FOXO3: variants seen among roughly 807,000 people sequenced by gnomAD.
FOXO3 encodes forkhead box protein O3.
A neutral mutation model predicts 41.9 loss-of-function variants in FOXO3; 4 were observed. The ratio of observed to expected loss-of-function variants is 0.10; its 90% CI spans 0.05 to 0.22. FOXO3 has a LOEUF of 0.22. FOXO3 is among the 10% of genes least tolerant of loss of function. FOXO3 has a pLI of 1.00. For synonymous variants in FOXO3, 318 were observed against 389.3 expected, an observed-to-expected ratio of 0.82 and a Z score of 2.16; for missense variants, 534 against 906.8, an observed-to-expected ratio of 0.59 and a Z score of 5.28.
At chr6:108,670,326 A>G (rs1424678447) in intron 2 of FOXO3, among the ~76,000 whole-genome samples, 3 of 152,010 alleles carry the variant, frequency 2.0e-5, no homozygotes, top group Non-Finnish European at 2.9e-5. Flanking sequence ...GCTTTCCCCA[A>G]TCCTCCAAAT....
chr6:108,569,774 A>G (rs1472253216), intron 1 of FOXO3, among the ~76,000 whole-genome samples: 2 of 152,138 alleles, frequency 1.3e-5, no homozygotes, highest in African/African-American at 4.8e-5. Flanking sequence ...CATGTGGCAC[A>G]TGTGTAGGGG....
At chr6:108,634,492 C>T (rs558966574) in intron 1 of FOXO3, among the ~76,000 whole-genome samples, 4 of 152,232 alleles carry the variant, frequency 2.6e-5, no homozygotes, top group African/African-American at 9.6e-5. Flanking sequence ...TTCCTCTTTG[C>T]CTGTTTGATC....
chr6:108,605,339 G>A (rs1028859454), intron 1 of FOXO3, among the ~76,000 whole-genome samples: 1 of 152,082 alleles, frequency 6.6e-6, no homozygotes, highest in Admixed American at 6.5e-5. Flanking sequence ...GGCTGGTCTC[G>A]AACTCCTGAC....
chr6:108,594,821 G>A (rs1403076840), intron 1 of FOXO3, among the ~76,000 whole-genome samples: 1 of 152,162 alleles, frequency 6.6e-6, no homozygotes, highest in East Asian at 1.9e-4. Flanking sequence ...CACAGCTCCA[G>A]CTCTTTCCAA....
intron 1 of FOXO3, among the ~76,000 whole-genome samples, chr6:108,567,803 T>C (rs1217075814): frequency 2.6e-5 from 4 of 152,086 alleles, no homozygotes; most frequent in African/African-American, 9.7e-5. Flanking sequence ...TCCCAGCACT[T>C]TGGGAGGCCC....
chr6:108,606,711 C>T (rs1298485193), intron 1 of FOXO3, among the ~76,000 whole-genome samples: 2 of 152,218 alleles, frequency 1.3e-5, no homozygotes, highest in Admixed American at 1.3e-4. Context: ...AGTTTAGTGA[C>T]AGGACTACCT....
At chr6:108,670,590 A>G (rs1755608692) in intron 2 of FOXO3, among the ~76,000 whole-genome samples, 1 of 152,120 alleles carries the variant, frequency 6.6e-6, no homozygotes, top group African/African-American at 2.4e-5. Flanking sequence ...AAAGGTTAAT[A>G]CACATTATGA....
At chr6:108,561,862 C>T (rs1775802658) in intron 1 of FOXO3, 33 bp downstream of exon 1, 2 of 1,505,956 alleles carry the variant, frequency 1.3e-6, no homozygotes, top group Admixed American at 2.2e-5. Context: ...CAGCAGGACC[C>T]GCCGGGCCTC....
At chr6:108,671,817 G>A (rs1779223767) in intron 2 of FOXO3, among the ~76,000 whole-genome samples, 1 of 152,136 alleles carries the variant, frequency 6.6e-6, no homozygotes, top group African/African-American at 2.4e-5. Flanking sequence ...CAGAGTCAAT[G>A]TCCCTTAGAA....
chr6:108,569,278 G>C (rs907177941), intron 1 of FOXO3, among the ~76,000 whole-genome samples: 3 of 152,198 alleles, frequency 2.0e-5, no homozygotes, highest in African/African-American at 7.2e-5. Flanking sequence ...TAGTGATGAT[G>C]ATAGAACACC....
chr6:108,644,739 T>C (rs1220329431), intron 1 of FOXO3, among the ~76,000 whole-genome samples: 2 of 152,196 alleles, frequency 1.3e-5, no homozygotes, highest in African/African-American at 4.8e-5. Context: ...CATTACTTAG[T>C]TGCTCCTCCT....
intron 2 of FOXO3, among the ~76,000 whole-genome samples, chr6:108,678,798 C>T (rs990079234): frequency 1.3e-4 from 19 of 149,978 alleles, no homozygotes; most frequent in Admixed American, 9.3e-4. Context: ...GAGGCTGAGA[C>T]GGAAGGATCT....
intron 1 of FOXO3, among the ~76,000 whole-genome samples, chr6:108,607,158 G>T (rs997870608): frequency 6.6e-6 from 1 of 151,496 alleles, no homozygotes; most frequent in South Asian, 2.1e-4. Flanking sequence ...TGTCTTAGAA[G>T]AATAATATTT....
At chr6:108,616,112 T>G (rs1466616158) in intron 1 of FOXO3, among the ~76,000 whole-genome samples, 5 of 150,840 alleles carry the variant, frequency 3.3e-5, no homozygotes, top group African/African-American at 4.9e-5. Flanking sequence ...CTCAGCCTCT[T>G]GAGTAGCTGG....
chr6:108,667,422 C>A (rs1350011018), intron 2 of FOXO3, among the ~76,000 whole-genome samples: 1 of 152,144 alleles, frequency 6.6e-6, no homozygotes, highest in Non-Finnish European at 1.5e-5. Flanking sequence ...TTTAAAGACA[C>A]AAGTAAGTTT....
At chr6:108,597,879 A>C (rs553654239) in intron 1 of FOXO3, among the ~76,000 whole-genome samples, 3 of 152,306 alleles carry the variant, frequency 2.0e-5, no homozygotes, top group South Asian at 2.1e-4. Context: ...CACGCCACCT[A>C]TTGTAGTACT....
Position 108,586,384 on chromosome 6 carries a change from A to T in FOXO3, c.621+24555A>T, listed in dbSNP as rs561921731. The stretch of plus-strand genomic sequence containing the variant: ...ATCATAAAGAGAACACTGATCTAAT[A>T]AACGACATTCTCCTGCTTGAAACTT... On this transcript the variant is annotated intron_variant, in intron 1 of 2. Transcript: ENST00000406360. 5.3e-5 allele frequency among the ~76,000 whole-genome samples: 8 copies of T among 152,348 alleles called. No homozygotes were observed. The East Asian group carries it at 1.3e-3, about 26-fold the overall frequency.
At chr6:108,562,813 T>G (rs1775852561) in intron 1 of FOXO3, among the ~76,000 whole-genome samples, 2 of 152,152 alleles carry the variant, frequency 1.3e-5, no homozygotes. Flanking sequence ...TGCAGTTGGG[T>G]ATCCAAAGAG....
At chr6:108,624,686 T>C (rs1777761877) in intron 1 of FOXO3, among the ~76,000 whole-genome samples, 1 of 152,354 alleles carries the variant, frequency 6.6e-6, no homozygotes, top group African/African-American at 2.4e-5. Context: ...AAATAAACTT[T>C]TTTTCTATGC....
Sources: gnomAD v4.1 joint callset for allele counts (sites outside exome capture counted in the v4.1 genomes callset) on GRCh38, gnomAD v4.1.1 for gene constraint, MANE v1.5 for transcripts, NCBI Gene and HGNC (gene_info 2026-07-23, HGNC 2026-07-21) for gene names.